ZBTB20: variants seen among roughly 807,000 people sequenced by gnomAD.
ZBTB20 encodes zinc finger and BTB domain-containing protein 20.
A neutral mutation model predicts 56.9 loss-of-function variants in ZBTB20; 9 were observed. That is an observed-to-expected ratio of 0.16 (90% confidence interval 0.10 to 0.28). The LOEUF (loss-of-function observed/expected upper bound fraction) is 0.28, where lower values mean the gene tolerates loss of function less well. ZBTB20 is among the 10% of genes least tolerant of loss of function. ZBTB20 has a pLI of 1.00. For missense variants in ZBTB20, 655 were observed against 1,003.0 expected, an observed-to-expected ratio of 0.65 and a Z score of 4.69; for synonymous variants, 417 against 420.7, an observed-to-expected ratio of 0.99 and a Z score of 0.11.
At chr3:114,343,143 G>GAAAA (rs532287052) in intron 11 of ZBTB20, among the ~76,000 whole-genome samples, 1 of 109,242 alleles carries the variant, frequency 9.2e-6, no homozygotes. Context: ...ACTGAAAAGT[G>GAAAA]AAAAAAAAAA....
intron 5 of ZBTB20, among the ~76,000 whole-genome samples, chr3:114,721,833 T>G (rs890833537): frequency 2.6e-5 from 4 of 152,218 alleles, no homozygotes. Context: ...CTGAGATTTT[T>G]GGGTTATATT....
chr3:114,524,958 C>T lies in ZBTB20; in HGVS notation c.-294-24567G>A, dbSNP rs373867793. On this transcript the variant is annotated intron_variant, in intron 6 of 11. Transcript: ENST00000675478. ...CGAACTCCTGACCTCAAACAATCCACCTGCCTTGGCCTCCCAAAATGTTGG... is the reference window on the plus strand; with the variant it reads ...CGAACTCCTGACCTCAAACAATCCATCTGCCTTGGCCTCCCAAAATGTTGG... Among the ~76,000 whole-genome samples, 5 of 152,206 alleles carry T rather than the reference C, an allele frequency of 3.3e-5. No individual in the cohort carries two copies. In the East Asian group the frequency reaches 7.7e-4, roughly 23 times the overall value.
intron 3 of ZBTB20, among the ~76,000 whole-genome samples, chr3:114,945,827 A>G (rs1488458589): frequency 6.9e-6 from 1 of 144,726 alleles, no homozygotes; most frequent in South Asian, 2.1e-4. Flanking sequence ...GAAAATGTGA[A>G]AGGAAAAGTG....
intron 2 of ZBTB20, among the ~76,000 whole-genome samples, chr3:115,062,278 T>C (rs917258227): frequency 6.6e-6 from 1 of 152,224 alleles, no homozygotes; most frequent in African/African-American, 2.4e-5. Context: ...AGTGTCAGCA[T>C]TGAAACTTAC....
chr3:114,739,548 T>A (rs990248425), intron 5 of ZBTB20, among the ~76,000 whole-genome samples: 4 of 152,236 alleles, frequency 2.6e-5, no homozygotes, highest in African/African-American at 9.6e-5. Context: ...TTAGTCAGTC[T>A]CCAACATTTG....
chr3:114,957,518 T>A (rs565548616), intron 3 of ZBTB20, among the ~76,000 whole-genome samples: 3 of 152,298 alleles, frequency 2.0e-5, no homozygotes, highest in Admixed American at 2.0e-4. Context: ...ACCACTGCCG[T>A]AAAGAACATC....
chr3:114,425,251 C>T (rs2089546068), intron 7 of ZBTB20, among the ~76,000 whole-genome samples: 1 of 152,210 alleles, frequency 6.6e-6, no homozygotes, highest in South Asian at 2.1e-4. Flanking sequence ...TGGCCCTCTA[C>T]AAATTTAGCT....
chr3:115,121,276 A>G (rs1373906628), intron 1 of ZBTB20, among the ~76,000 whole-genome samples: 1 of 152,078 alleles, frequency 6.6e-6, no homozygotes, highest in African/African-American at 2.4e-5. Flanking sequence ...ACATACAAAA[A>G]GAGTACATAA....
chr3:114,790,711 AG>A (rs2070892675), intron 5 of ZBTB20, among the ~76,000 whole-genome samples: 1 of 151,856 alleles, frequency 6.6e-6, no homozygotes, highest in Admixed American at 6.6e-5. Context: ...AAAATCAGTG[AG>A]GTACTCCTGG....
chr3:115,064,504 T>G (rs923757556), intron 2 of ZBTB20, among the ~76,000 whole-genome samples: 1 of 138,204 alleles, frequency 7.2e-6, no homozygotes, highest in African/African-American at 2.8e-5. Flanking sequence ...CAGGCTGGAG[T>G]GCAATGGCAA....
At chr3:115,064,159 T>C (rs2082117552) in intron 2 of ZBTB20, among the ~76,000 whole-genome samples, 1 of 152,158 alleles carries the variant, frequency 6.6e-6, no homozygotes. Flanking sequence ...AAGTAAAGAC[T>C]GCTTATTTTT....
chr3:115,068,376 A>G (rs563344123), intron 2 of ZBTB20, among the ~76,000 whole-genome samples: 1 of 152,224 alleles, frequency 6.6e-6, no homozygotes, highest in South Asian at 2.1e-4. Flanking sequence ...GTATAGGTTA[A>G]AAAGGATACA....
At chr3:114,635,026 A>T (rs1420382240) in intron 6 of ZBTB20, among the ~76,000 whole-genome samples, 1 of 152,180 alleles carries the variant, frequency 6.6e-6, no homozygotes, top group African/African-American at 2.4e-5. Context: ...AAAGGGAATG[A>T]AGGGGGCCTT....
intron 4 of ZBTB20, among the ~76,000 whole-genome samples, chr3:114,878,742 T>G (rs1398915188): frequency 6.6e-6 from 1 of 151,682 alleles, no homozygotes; most frequent in Non-Finnish European, 1.5e-5. Context: ...CTTGAAGAGG[T>G]TTGTTCAGTG....
chr3:114,453,335 CAA>C (rs1320810206), intron 7 of ZBTB20, among the ~76,000 whole-genome samples: 1 of 152,074 alleles, frequency 6.6e-6, no homozygotes, highest in Non-Finnish European at 1.5e-5. Flanking sequence ...TAATTAGAAA[CAA>C]AAATAAAATA....
chr3:115,096,450 T>G (rs1423738611), intron 1 of ZBTB20, among the ~76,000 whole-genome samples: 2 of 152,220 alleles, frequency 1.3e-5, no homozygotes, highest in African/African-American at 4.8e-5. Context: ...AAATGTAGTT[T>G]GTTAAAATAT....
intron 10 of ZBTB20, among the ~76,000 whole-genome samples, chr3:114,368,119 T>C (rs2082615801): frequency 6.6e-6 from 1 of 152,222 alleles, no homozygotes; most frequent in Non-Finnish European, 1.5e-5. Flanking sequence ...TTAAGGGCTT[T>C]ACATGTAGTG....
intron 1 of ZBTB20, among the ~76,000 whole-genome samples, chr3:115,145,595 C>G (rs577541515): frequency 2.6e-5 from 4 of 152,202 alleles, no homozygotes; most frequent in African/African-American, 9.7e-5. Context: ...TCTATTCCAT[C>G]TATTCCCCCA....
At chr3:114,455,095 G>A (rs1033911964) in intron 7 of ZBTB20, among the ~76,000 whole-genome samples, 3 of 149,246 alleles carry the variant, frequency 2.0e-5, no homozygotes, top group South Asian at 2.2e-4. Flanking sequence ...GAGGAGAGAC[G>A]GAGAGAGAGA....
Sources: gnomAD v4.1 joint callset for allele counts (sites outside exome capture counted in the v4.1 genomes callset) on GRCh38, gnomAD v4.1.1 for gene constraint, MANE v1.5 for transcripts, NCBI Gene and HGNC (gene_info 2026-07-23, HGNC 2026-07-21) for gene names.